TLL2: variants seen among roughly 807,000 people sequenced by gnomAD.
TLL2 encodes tolloid-like protein 2.
In TLL2, 106 loss-of-function variants were observed where a neutral mutation model predicts 123.0. That is an observed-to-expected ratio of 0.86 (90% confidence interval 0.74 to 1.01). TLL2 has a LOEUF of 1.01. Ranked by LOEUF, TLL2 falls within the 50% of genes least tolerant of loss-of-function variation. The pLI, the probability that TLL2 is intolerant of heterozygous loss-of-function variation, is 0.00. For missense variants in TLL2, 1,332 were observed against 1,336.7 expected, an observed-to-expected ratio of 1.00 and a Z score of 0.06; for synonymous variants, 494 against 516.8, an observed-to-expected ratio of 0.96 and a Z score of 0.60.
chr10:96,398,414 C>T (rs1446135471), intron 10 of TLL2, among the ~76,000 whole-genome samples: 1 of 152,186 alleles, frequency 6.6e-6, no homozygotes, highest in African/African-American at 2.4e-5. Flanking sequence ...ACTATGCCCC[C>T]AACCAGGACA....
intron 7 of TLL2, among the ~76,000 whole-genome samples, chr10:96,416,462 C>T (rs541236694): frequency 2.0e-5 from 3 of 152,304 alleles, no homozygotes; most frequent in East Asian, 3.9e-4. Flanking sequence ...AGAGCTCTCA[C>T]TCTACAGGGG....
At chr10:96,487,831 T>C (rs1270534344) in intron 1 of TLL2, among the ~76,000 whole-genome samples, 1 of 152,120 alleles carries the variant, frequency 6.6e-6, no homozygotes, top group African/African-American at 2.4e-5. Context: ...TCTACTCAAC[T>C]TCCCAGATTG....
At chr10:96,432,776 C>T in intron 4 of TLL2, 31 bp downstream of exon 4, 1 of 1,605,700 alleles carries the variant, frequency 6.2e-7, no homozygotes. Flanking sequence ...AGCACCCTGA[C>T]CCAAAGCAGA....
At chr10:96,372,330 A>T (rs569714348) in intron 19 of TLL2, among the ~76,000 whole-genome samples, 21 of 152,286 alleles carry the variant, frequency 1.4e-4, no homozygotes, top group Admixed American at 5.2e-4. Flanking sequence ...TGTTAAAAGG[A>T]TCACAGGGTC....
chr10:96,416,578 G>T (rs530956584), intron 7 of TLL2, among the ~76,000 whole-genome samples: 1 of 152,334 alleles, frequency 6.6e-6, no homozygotes, highest in East Asian at 1.9e-4. Flanking sequence ...CTTCCAGCCA[G>T]TGTTTCCTGC....
chr10:96,482,273 G>A (rs1365130991), intron 1 of TLL2, among the ~76,000 whole-genome samples: 4 of 147,874 alleles, frequency 2.7e-5, no homozygotes, highest in African/African-American at 2.5e-5. Context: ...AAAAAAAAAC[G>A]AAAAAACCTG....
At chr10:96,436,492 AC>A (rs1846795931) in intron 3 of TLL2, among the ~76,000 whole-genome samples, 2 of 152,226 alleles carry the variant, frequency 1.3e-5, no homozygotes, top group South Asian at 4.1e-4. Flanking sequence ...AACCTCCAGA[AC>A]TAAGACTATG....
intron 1 of TLL2, among the ~76,000 whole-genome samples, chr10:96,481,404 A>T (rs1041638531): frequency 2.6e-5 from 4 of 152,208 alleles, no homozygotes; most frequent in Admixed American, 2.6e-4. Context: ...CACTGGGATT[A>T]CAGGTGTGAT....
intron 20 of TLL2, among the ~76,000 whole-genome samples, chr10:96,368,642 C>T (rs185572632): frequency 2.0e-5 from 3 of 152,280 alleles, no homozygotes; most frequent in African/African-American, 7.2e-5. Context: ...AAGGATGCAC[C>T]ATGAATCACC....
At chr10:96,372,224 T>A (rs1362543881) in intron 19 of TLL2, among the ~76,000 whole-genome samples, 2 of 152,166 alleles carry the variant, frequency 1.3e-5, no homozygotes, top group Non-Finnish European at 2.9e-5. Context: ...TTTTCTGCTG[T>A]GCAAGAGGAG....
intron 3 of TLL2, among the ~76,000 whole-genome samples, chr10:96,438,601 A>AC (rs757640064): frequency 5.3e-5 from 8 of 152,212 alleles, no homozygotes; most frequent in Non-Finnish European, 1.0e-4. Flanking sequence ...TCATTTACAA[A>AC]CAGGGACAGT....
At chr10:96,410,905 T>C (rs1018979638) in intron 8 of TLL2, among the ~76,000 whole-genome samples, 3 of 152,164 alleles carry the variant, frequency 2.0e-5, no homozygotes, top group African/African-American at 7.2e-5. Context: ...TATAATGCCA[T>C]TATTATTGCT....
chr10:96,417,999 G>A (rs544008477), intron 7 of TLL2, among the ~76,000 whole-genome samples: 1 of 152,188 alleles, frequency 6.6e-6, no homozygotes, highest in Non-Finnish European at 1.5e-5. Context: ...TGCCCTCGGC[G>A]AGCTGCTCTG....
intron 1 of TLL2, among the ~76,000 whole-genome samples, chr10:96,499,739 G>A (rs1847513176): frequency 6.6e-6 from 1 of 152,138 alleles, no homozygotes; most frequent in Non-Finnish European, 1.5e-5. Flanking sequence ...CCCACTAAAT[G>A]TTTTTAACAA....
chr10:96,444,889 C>T (rs1846880980), intron 3 of TLL2, among the ~76,000 whole-genome samples: 1 of 152,294 alleles, frequency 6.6e-6, no homozygotes, highest in South Asian at 2.1e-4. Flanking sequence ...AAGATTCTGG[C>T]ATTTAAAAAT....
intron 1 of TLL2, among the ~76,000 whole-genome samples, chr10:96,493,052 C>T (rs1847431054): frequency 6.6e-6 from 1 of 152,186 alleles, no homozygotes; most frequent in African/African-American, 2.4e-5. Context: ...CCTCTCAGGA[C>T]CAGTGCACTG....
intron 1 of TLL2, among the ~76,000 whole-genome samples, chr10:96,500,495 T>C (rs908256947): frequency 2.6e-5 from 4 of 152,192 alleles, no homozygotes; most frequent in African/African-American, 9.6e-5. Flanking sequence ...TCCAGCATCA[T>C]TGTTTATAAA....
chr10:96,412,495 G>A (rs114741476), intron 8 of TLL2, among the ~76,000 whole-genome samples: 1,790 of 152,280 alleles, frequency 0.012, 33 homozygotes, highest in African/African-American at 0.039. Context: ...GAGCTCAGAC[G>A]GTGTGTGTAT....
chr10:96,365,093 C>T lies in TLL2; in HGVS notation c.*2995G>A, dbSNP rs1423460641. On this transcript the variant is annotated 3_prime_UTR_variant, in exon 21 of 21. Transcript: ENST00000357947. ...TTGGGCCACACATAAAATACACTAA[C>T]GATAGCTGACGAGAAAAAAAAAAAT... 2.0e-5 allele frequency: 3 copies of T among 151,684 alleles called. No individual in the cohort carries two copies. The highest frequency in any genetic ancestry group is 4.9e-5 in the African/African-American group (2 of 41,216). The allele number at this position is 151,684 out of a possible 1,614,324, so 9.4% of individuals were successfully genotyped here.
Sources: allele counts gnomAD v4.1 joint callset (sites outside exome capture counted in the v4.1 genomes callset), GRCh38; gene constraint gnomAD v4.1.1; transcripts MANE v1.5; gene names NCBI Gene and HGNC (gene_info 2026-07-23, HGNC 2026-07-21).